Variants in ADGRV1 observed in about 807,000 individuals in gnomAD.
ADGRV1 encodes the protein G-protein coupled receptor 98.
In ADGRV1, 359 loss-of-function variants were observed where a neutral mutation model predicts 596.2. That is an observed-to-expected ratio of 0.60 (90% confidence interval 0.55 to 0.66). The LOEUF is 0.66. ADGRV1 is among the 30% of genes least tolerant of loss of function. The pLI is 0.00. For synonymous variants in ADGRV1, 2,681 were observed against 2,679.2 expected (o/e 1.00, Z -0.02); for missense variants, 7,274 against 7,575.6 (o/e 0.96, Z 1.48).
chr5:90,999,440 T>A (rs1781687010), intron 85 of ADGRV1, among the ~76,000 whole-genome samples: 2 of 151,954 alleles, frequency 1.3e-5, no homozygotes, highest in South Asian at 4.1e-4. Context: ...TCCTAATTTA[T>A]TAACTAGATG....
intron 85 of ADGRV1, among the ~76,000 whole-genome samples, chr5:90,994,188 A>C (rs56099704): frequency 0.22 from 33,570 of 151,398 alleles, 4,115 homozygotes; most frequent in Non-Finnish European, 0.29. Context: ...TCCGCCTCCC[A>C]AGTAGCTGGG....
At chr5:91,055,504 A>T (rs1381734177) in intron 85 of ADGRV1, among the ~76,000 whole-genome samples, 1 of 152,172 alleles carries the variant, frequency 6.6e-6, no homozygotes, top group Non-Finnish European at 1.5e-5. Flanking sequence ...TGGGGGAAAA[A>T]ATAGATTTTA....
At chr5:90,913,242 CA>C (rs998338737) in intron 83 of ADGRV1, among the ~76,000 whole-genome samples, 9 of 152,170 alleles carry the variant, frequency 5.9e-5, no homozygotes, top group Non-Finnish European at 1.0e-4. Flanking sequence ...TATCCCATTA[CA>C]GCTTTGGAGT....
intron 85 of ADGRV1, among the ~76,000 whole-genome samples, chr5:91,003,379 A>T (rs1781999605): frequency 6.6e-6 from 1 of 152,184 alleles, no homozygotes; most frequent in South Asian, 2.1e-4. Context: ...CATGTATCTG[A>T]CTTATCCACA....
chr5:90,643,897 A>G lies in ADGRV1; in HGVS notation c.2648A>G (p.Asn883Ser). 2 of 1,612,348 alleles carry G rather than the reference A, an allele frequency of 1.2e-6. No individual in the cohort carries two copies. Among genetic ancestry groups the G allele is most frequent in the Non-Finnish European group, 1.7e-6 (2 of 1,178,990 alleles). Residue 883 changes from asparagine to serine, a missense_variant, in exon 14 of 90, where the codon AAT (asparagine) becomes AGT (serine). Asn to Ser is a conservative substitution (Grantham distance 46, BLOSUM62 1). Transcript: ENST00000405460. ...ATTGTCAATATAACGATTCTGAAAA[A>G]TGATGATCCTCATGGCATTATAGAA... Reference protein sequence around the residue: ...ATIVNITILKNDDPHGIIEFV... With the variant: ...ATIVNITILKSDDPHGIIEFV...
At position 90,824,452 on chromosome 5, in the gene ADGRV1, G is replaced by C. The variant is rs114068479; in HGVS notation, c.16368+856G>C. ...TGATGCAGGCAAATGTGTTGCTGTT[G>C]TGGCCACCTTGGTGGTGGTAGTGCT... On this transcript the variant is annotated intron_variant, in intron 76 of 89. Transcript: ENST00000405460. Among the ~76,000 whole-genome samples, 558 of 152,352 alleles carry C rather than the reference G, an allele frequency of 3.7e-3. 2 individuals are homozygous for C. The highest frequency in any genetic ancestry group is 6.7e-3 in the Non-Finnish European group (459 of 68,036).
At chr5:91,154,700 G>C (rs1032231161) in intron 89 of ADGRV1, among the ~76,000 whole-genome samples, 2 of 152,190 alleles carry the variant, frequency 1.3e-5, no homozygotes, top group African/African-American at 2.4e-5. Flanking sequence ...GGCTGGGGAA[G>C]CTTCAGGAAA....
chr5:91,121,578 C>T (rs1793317709), intron 87 of ADGRV1, among the ~76,000 whole-genome samples: 1 of 151,948 alleles, frequency 6.6e-6, no homozygotes, highest in Non-Finnish European at 1.5e-5. Flanking sequence ...CAAGTCAGGA[C>T]CTGCAGTTTG....
At chr5:90,760,536 T>C (rs1322820700) in intron 58 of ADGRV1, among the ~76,000 whole-genome samples, 1 of 152,202 alleles carries the variant, frequency 6.6e-6, no homozygotes, top group East Asian at 1.9e-4. Context: ...ACCAATCTGG[T>C]CACAGGCAGG....
chr5:90,837,302 C>T (rs566226301), intron 77 of ADGRV1, among the ~76,000 whole-genome samples: 1 of 152,148 alleles, frequency 6.6e-6, no homozygotes, highest in South Asian at 2.1e-4. Context: ...TCAAGAAAGA[C>T]CATGTGTTTT....
chr5:90,714,161 G>C (rs1407083591), intron 42 of ADGRV1, among the ~76,000 whole-genome samples: 1 of 151,830 alleles, frequency 6.6e-6, no homozygotes, highest in African/African-American at 2.4e-5. Context: ...AATTTCTTTA[G>C]TCTTTAAATT....
intron 15 of ADGRV1, among the ~76,000 whole-genome samples, chr5:90,645,137 G>A (rs1016801342): frequency 3.0e-4 from 46 of 152,146 alleles, no homozygotes; most frequent in African/African-American, 1.0e-3. Flanking sequence ...CGAAGCCCTC[G>A]GCTTGTATTT....
At chr5:90,716,328 C>T (rs1020961896) in intron 42 of ADGRV1, 139 bp from the exon 43 acceptor site, 1 of 493,000 alleles carries the variant, frequency 2.0e-6, no homozygotes, top group Non-Finnish European at 3.5e-6. Context: ...TTAAAAAATT[C>T]TGTCATTTTT....
In ADGRV1 at chr5:90,627,270, G is replaced by T; in HGVS notation, c.732G>T (p.Glu244Asp). Residue 244 changes from glutamate to aspartate, a missense_variant, in exon 7 of 90, where the codon GAG (glutamate) becomes GAT (aspartate). Transcript: ENST00000405460. Reference protein sequence around the residue: ...IQLKSVEGGAEINTSRNSIEI... With the variant: ...IQLKSVEGGADINTSRNSIEI... Reference sequence around the variant, plus strand: ...TGAAAAGTGTAGAAGGAGGAGCTGAGATTAACACCTCTAGGAATTCCATTG... The same window carrying T: ...TGAAAAGTGTAGAAGGAGGAGCTGATATTAACACCTCTAGGAATTCCATTG... 1 of 1,600,804 alleles carries T rather than the reference G, an allele frequency of 6.2e-7. No individual in the cohort carries two copies. The highest frequency in any genetic ancestry group is 8.5e-7 in the Non-Finnish European group (1 of 1,171,990).
intron 84 of ADGRV1, among the ~76,000 whole-genome samples, chr5:90,976,465 T>A (rs544540899): frequency 1.8e-4 from 28 of 151,662 alleles, no homozygotes; most frequent in Non-Finnish European, 3.2e-4. Flanking sequence ...TGAAATTACA[T>A]TATTTTTTGG....
intron 87 of ADGRV1, among the ~76,000 whole-genome samples, chr5:91,135,552 G>A (rs549377542): frequency 3.4e-4 from 52 of 152,276 alleles, no homozygotes; most frequent in Admixed American, 6.5e-4. Flanking sequence ...GATACATTTC[G>A]ACCCATTTCT....
chr5:90,759,747 C>T (rs1210760675), intron 58 of ADGRV1, 159 bp downstream of exon 58: 5 of 649,214 alleles, frequency 7.7e-6, no homozygotes, highest in African/African-American at 1.8e-5. Context: ...GGGCAGATCA[C>T]GAGGTCAGGA....
intron 43 of ADGRV1, 89 bp from the exon 44 acceptor site, chr5:90,719,959 T>C (rs1750696974): frequency 2.1e-6 from 2 of 966,356 alleles, no homozygotes; most frequent in Non-Finnish European, 3.3e-6. Context: ...CATGCTATTT[T>C]GTTGTCAGAA....
intron 74 of ADGRV1, among the ~76,000 whole-genome samples, chr5:90,815,343 A>G (rs551531372): frequency 6.6e-6 from 1 of 152,212 alleles, no homozygotes; most frequent in South Asian, 2.1e-4. Context: ...TGTCAAATGT[A>G]AAGTAGGATC....
Sources: gnomAD v4.1 joint callset for allele counts (sites outside exome capture counted in the v4.1 genomes callset) on GRCh38, gnomAD v4.1.1 for gene constraint, MANE v1.5 for transcripts, NCBI Gene and HGNC (gene_info 2026-07-23, HGNC 2026-07-21) for gene names.